The following POU4F2 variants were observed in gnomAD, a reference collection of about 807,000 sequenced individuals.
The protein encoded by POU4F2 is POU domain, class 4, transcription factor 2.
Under a neutral mutation model 21.5 loss-of-function variants are expected in POU4F2, and 10 were observed. That is an observed-to-expected ratio of 0.46 (90% CI 0.29 to 0.79). The LOEUF is 0.79. Among genes scored for constraint, POU4F2 ranks in the 30% least tolerant of loss-of-function variants. The pLI, the probability that POU4F2 is intolerant of heterozygous loss-of-function variation, is 0.10. For missense variants in POU4F2, 623 were observed against 603.3 expected, an observed-to-expected ratio of 1.03 and a Z score of -0.34; for synonymous variants, 324 against 271.1, an observed-to-expected ratio of 1.20 and a Z score of -1.92.
At position 146,639,971 on chromosome 4, in the gene POU4F2, C is replaced by T; in HGVS notation, c.393C>T (p.Pro131=). Reference sequence around the variant, plus strand: ...GCAAGAGCCACCACCACCATCCACCCCACCACAGCCCCTTCAAACCGGACG... The same window carrying T: ...GCAAGAGCCACCACCACCATCCACCTCACCACAGCCCCTTCAAACCGGACG... ...SQSKSHHHHP[P]HHSPFKPDAT... Residue 131 remains proline (P), a synonymous_variant, in exon 2 of 2, where the codon CCC becomes CCT. Transcript: ENST00000281321. 1 of 1,612,860 alleles carries T rather than the reference C, an allele frequency of 6.2e-7. No homozygotes were observed. Among genetic ancestry groups the T allele is most frequent in the Non-Finnish European group, 8.5e-7 (1 of 1,179,426 alleles).
At position 146,640,703 on chromosome 4, in the gene POU4F2, C is replaced by G. The variant is rs751581466; in HGVS notation, c.1125C>G (p.Ile375Met). 3 of 1,614,256 alleles carry G rather than the reference C, an allele frequency of 1.9e-6. No individual in the cohort carries two copies. The highest frequency in any genetic ancestry group is 1.7e-6 in the Non-Finnish European group (2 of 1,180,038). ...AGCCTCGGCCCTCCTCTGAAAAGAT[C>G]GCCGCCATCGCGGAGAAGCTGGACC... ...AIQPRPSSEK[I>M]AAIAEKLDLK... The change falls in exon 2 of 2, where the codon ATC becomes ATG. Residue 375 changes from isoleucine to methionine, a missense_variant. Ile to Met is a conservative substitution (Grantham distance 10). Around this residue, in one of 3 missense-constraint regions of POU4F2, gnomAD observed 523 missense variants for 504.1 expected, o/e 1.04. Coordinates refer to ENST00000281321, the MANE Select transcript of POU4F2 (RefSeq NM_004575.3). This position sits in a 1 kb window ranked among gnomAD's most constrained non-coding sequence, Gnocchi z 4.8.
rs575847464 is a variant in POU4F2 at position 146,640,975 on chromosome 4, G to A, written c.*167G>A. The A allele has an allele frequency of 1.2e-5, 8 of 645,884 alleles. No homozygotes were observed. Among genetic ancestry groups the A allele is most frequent in the East Asian group, 6.2e-5 (2 of 32,016 alleles). The allele number at this position is 645,884 out of a possible 1,614,324, so 40.0% of individuals were successfully genotyped here. On this transcript the variant is annotated 3_prime_UTR_variant, in exon 2 of 2. Transcript: ENST00000281321. This position sits in a 1 kb window ranked among gnomAD's most constrained non-coding sequence, Gnocchi z 4.8. ...ACGAGCGAACAACTGAGCCCAAGCC[G>A]GTGAGAATGTGAAACAGTTTCTCAA...
chr4:146,639,961 A>G lies in POU4F2; in HGVS notation c.383A>G (p.His128Arg). Residue 128 changes from histidine (H) to arginine (R), a missense_variant, in exon 2 of 2, where the codon CAC (histidine) becomes CGC (arginine). Around this residue, in one of 3 missense-constraint regions of POU4F2, gnomAD observed 523 missense variants for 504.1 expected, o/e 1.04. Coordinates refer to ENST00000281321, the MANE Select transcript of POU4F2 (RefSeq NM_004575.3). ...DIVSQSKSHH[H>R]HPPHHSPFKP... The stretch of plus-strand genomic sequence containing the variant: ...GTCTCCCAGAGCAAGAGCCACCACC[A>G]CCATCCACCCCACCACAGCCCCTTC... 6.2e-7 allele frequency: 1 copy of G among 1,611,068 alleles called. No individual in the cohort carries two copies. Among genetic ancestry groups the G allele is most frequent in the East Asian group, 2.2e-5 (1 of 44,828 alleles).
chr4:146,641,000 A>G lies in POU4F2; in HGVS notation c.*192A>G, dbSNP rs1740877350. The G allele has an allele frequency of 6.9e-6, 4 of 580,696 alleles. No homozygotes were observed. The highest frequency in any genetic ancestry group is 1.1e-5 in the Non-Finnish European group (4 of 356,230). 36.0% of individuals were successfully genotyped at this position (580,696 alleles called of 1,614,324 possible). A position where few individuals can be genotyped will look rare whatever the true frequency, so the allele number is the denominator to read the frequency against. On this transcript the variant is annotated 3_prime_UTR_variant, in exon 2 of 2. Transcript: ENST00000281321. The surrounding 1 kb of genome is among the most constrained non-coding windows in gnomAD (Gnocchi z 4.8). ...GGTGAGAATGTGAAACAGTTTCTCA[A>G]AGGAAAGAATAACAAAAGATGGTAT...
In POU4F2 at chr4:146,640,021, T is replaced by A; in HGVS notation, c.443T>A (p.Ile148Asn). ...PDATYHTMNTIPCTSAASSSS... is the reference protein window; with the variant it reads ...PDATYHTMNTNPCTSAASSSS... ...GCCACCTACCACACTATGAATACCA[T>A]CCCGTGCACGTCGGCCGCCTCTTCT... Residue 148 changes from isoleucine (I) to asparagine (N), a missense_variant, in exon 2 of 2, where the codon ATC becomes AAC. Coordinates refer to ENST00000281321, the MANE Select transcript of POU4F2 (RefSeq NM_004575.3). This position sits in a 1 kb window ranked among gnomAD's most constrained non-coding sequence, Gnocchi z 4.8. 1 of 1,611,266 alleles carries A rather than the reference T, an allele frequency of 6.2e-7. No individual in the cohort carries two copies. Among genetic ancestry groups the A allele is most frequent in the Admixed American group, 1.7e-5 (1 of 59,972 alleles).
In POU4F2 at chr4:146,639,928, T is replaced by C; in HGVS notation, c.350T>C (p.Val117Ala). The change falls in exon 2 of 2, where the codon GTG (valine) becomes GCG (alanine). Residue 117 changes from valine (V) to alanine (A), a missense_variant. Val to Ala is a moderately conservative substitution (Grantham distance 64, BLOSUM62 0). Transcript: ENST00000281321. ...GCCCGCGCCGAGGCTCTGGCAGCCGTGGACATCGTCTCCCAGAGCAAGAGC... is the reference window on the plus strand; with the variant it reads ...GCCCGCGCCGAGGCTCTGGCAGCCGCGGACATCGTCTCCCAGAGCAAGAGC... ...LLARAEALAA[V>A]DIVSQSKSHH... 6.3e-7 allele frequency: 1 copy of C among 1,595,554 alleles called. No homozygotes were observed. The highest frequency in any genetic ancestry group is 1.1e-5 in the South Asian group (1 of 87,296).
In POU4F2 at chr4:146,640,141, T is replaced by A. The variant is rs892063849; in HGVS notation, c.563T>A (p.Leu188Gln). 1 of 1,597,280 alleles carries A rather than the reference T, an allele frequency of 6.3e-7. No individual in the cohort carries two copies. Among genetic ancestry groups the A allele is most frequent in the Admixed American group, 1.7e-5 (1 of 59,396 alleles). Residue 188 changes from leucine (L) to glutamine (Q), a missense_variant, in exon 2 of 2, where the codon CTG becomes CAG. This residue lies in a region of POU4F2 where 523 missense variants were observed against 504.1 expected (regional missense o/e 1.04). Transcript: ENST00000281321. This position sits in a 1 kb window ranked among gnomAD's most constrained non-coding sequence, Gnocchi z 4.8. Reference sequence around the variant, plus strand: ...CACCACCACCAACCGCACCAGGCGCTGGAGGGCGAGCTGCTGGAGCACCTG... The same window carrying A: ...CACCACCACCAACCGCACCAGGCGCAGGAGGGCGAGCTGCTGGAGCACCTG... Reference protein sequence around the residue: ...HHHHHQPHQALEGELLEHLSP... With the variant: ...HHHHHQPHQAQEGELLEHLSP...
At chr4:146,639,550 C>T in intron 1 of POU4F2, 122 bp downstream of exon 1, 1 of 1,355,496 alleles carries the variant, frequency 7.4e-7, no homozygotes, top group Non-Finnish European at 9.7e-7. Context: ...TTTCCCCTCT[C>T]TCTCTCTTAA....
At position 146,639,438 on chromosome 4, in the gene POU4F2, T is replaced by A. The variant is rs113397613; in HGVS notation, c.288+10T>A. ...TCTTCCAACCCCACCGGTGCGTATT[T>A]CTGCATAATCACCGCTTAAAGGCAC... On this transcript the variant is annotated intron_variant, in intron 1 of 1. Coordinates refer to ENST00000281321, the MANE Select transcript of POU4F2 (RefSeq NM_004575.3). 6.9e-5 allele frequency: 100 copies of A among 1,456,890 alleles called. 1 individual carries two copies. The African/African-American group carries it at 1.1e-3, about 15-fold the overall frequency. The allele number at this position is 1,456,890 out of a possible 1,614,324, so 90.2% of individuals were successfully genotyped here. A position where few individuals can be genotyped will look rare whatever the true frequency, so the allele number is the denominator to read the frequency against.
At position 146,640,457 on chromosome 4, in the gene POU4F2, G is replaced by C. The variant is rs1438574064; in HGVS notation, c.879G>C (p.Ser293=). 1.2e-6 allele frequency: 2 copies of C among 1,613,674 alleles called. No homozygotes were observed. The highest frequency in any genetic ancestry group is 1.7e-5 in the Admixed American group (1 of 60,010). Residue 293 remains serine, a synonymous_variant, in exon 2 of 2, where the codon TCG becomes TCC. Transcript: ENST00000281321. This position sits in a 1 kb window ranked among gnomAD's most constrained non-coding sequence, Gnocchi z 4.8. The part of the protein sequence containing the change: ...LANLKIPGVG[S]LSQSTICRFE... ...ACCTCAAGATCCCCGGCGTGGGCTC[G>C]CTTAGCCAGAGCACCATCTGCAGGT... is the stretch of plus-strand genomic sequence containing the variant.
chr4:146,641,169 T>A lies in POU4F2; in HGVS notation c.*361T>A. On this transcript the variant is annotated 3_prime_UTR_variant, in exon 2 of 2. Transcript: ENST00000281321. Reference sequence around the variant, plus strand: ...ATCAAGTAAGATTTGTTTTTATTCTTACAGACATCACCCGTGTTCAAGTTT... The same window carrying A: ...ATCAAGTAAGATTTGTTTTTATTCTAACAGACATCACCCGTGTTCAAGTTT... The A allele has an allele frequency of 5.4e-6, 1 of 185,134 alleles. No individual in the cohort carries two copies. The highest frequency in any genetic ancestry group is 1.5e-4 in the East Asian group (1 of 6,806). 11.5% of individuals were successfully genotyped at this position (185,134 alleles called of 1,614,324 possible). A position where few individuals can be genotyped will look rare whatever the true frequency, so the allele number is the denominator to read the frequency against.
At chr4:146,639,785 C>T in intron 1 of POU4F2, 82 bp from the exon 2 acceptor site, 2 of 1,386,498 alleles carry the variant, frequency 1.4e-6, no homozygotes, top group East Asian at 2.5e-5. Flanking sequence ...GCGACGGTGT[C>T]GAGCCCTGGG....
chr4:146,639,388 G>A lies in POU4F2; in HGVS notation c.248G>A (p.Gly83Asp). 2 of 1,470,280 alleles carry A rather than the reference G, an allele frequency of 1.4e-6. No homozygotes were observed. The highest frequency in any genetic ancestry group is 2.8e-5 in the Admixed American group (1 of 35,600). The allele number at this position is 1,470,280 out of a possible 1,614,324, so 91.1% of individuals were successfully genotyped here. Reference sequence around the variant, plus strand: ...AGCAGTGGCAGCAGCGGCGGCGGGGGCTCGGAGGCTATGCGGAGAGCCTGT... The same window carrying A: ...AGCAGTGGCAGCAGCGGCGGCGGGGACTCGGAGGCTATGCGGAGAGCCTGT... The part of the protein sequence containing the change: ...SSSSGSSGGG[G>D]SEAMRRACLP... Residue 83 changes from glycine to aspartate, a missense_variant, in exon 1 of 2, where the codon GGC becomes GAC. This residue lies in a region of POU4F2 where 523 missense variants were observed against 504.1 expected (regional missense o/e 1.04). Transcript: ENST00000281321.
At chr4:146,639,523 C>T (rs914305683) in intron 1 of POU4F2, 95 bp downstream of exon 1, 84 of 1,423,172 alleles carry the variant, frequency 5.9e-5, no homozygotes, top group South Asian at 2.4e-4. Context: ...GCAAATCACC[C>T]CACACCTCCA....
Position 146,639,802 on chromosome 4 carries a change from C to T in POU4F2, c.289-65C>T. On this transcript the variant is annotated intron_variant, in intron 1 of 1. Coordinates refer to ENST00000281321, the MANE Select transcript of POU4F2 (RefSeq NM_004575.3). ...GACGGTGTCGAGCCCTGGGCCGGGG[C>T]TTCCGGAGAGAGGGCGTACAATTCC... is the stretch of plus-strand genomic sequence containing the variant. The T allele has an allele frequency of 2.7e-6, 4 of 1,470,228 alleles. No individual in the cohort carries two copies. In the South Asian group the frequency reaches 5.6e-5, roughly 21 times the overall value. The allele number at this position is 1,470,228 out of a possible 1,614,324, so 91.1% of individuals were successfully genotyped here. A position where few individuals can be genotyped will look rare whatever the true frequency, so the allele number is the denominator to read the frequency against.
chr4:146,639,474 C>T lies in POU4F2; in HGVS notation c.288+46C>T, dbSNP rs548447895. ...ACCGCTTAAAGGCACATTTTGACAG[C>T]CCCCTTTATCTGCTTGATGTTTTTT... is the stretch of plus-strand genomic sequence containing the variant. On this transcript the variant is annotated intron_variant, in intron 1 of 1. Transcript: ENST00000281321. 4 of 1,446,784 alleles carry T rather than the reference C, an allele frequency of 2.8e-6. No individual in the cohort carries two copies. The South Asian group carries it at 4.9e-5, about 18-fold the overall frequency. 89.6% of individuals were successfully genotyped at this position (1,446,784 alleles called of 1,614,324 possible). A position where few individuals can be genotyped will look rare whatever the true frequency, so the allele number is the denominator to read the frequency against.
Position 146,640,655 on chromosome 4 carries a change from G to C in POU4F2, c.1077G>C (p.Ser359=). Residue 359 remains serine (S), a synonymous_variant, in exon 2 of 2, where the codon TCG becomes TCC. Transcript: ENST00000281321. The surrounding 1 kb of genome is among the most constrained non-coding windows in gnomAD (Gnocchi z 4.8). ...CCATCGCTGCGCCAGAGAAGCGCTC[G>C]CTCGAAGCCTACTTTGCCATTCAGC... The part of the protein sequence containing the change: ...RTSIAAPEKR[S]LEAYFAIQPR... The C allele has an allele frequency of 6.2e-7, 1 of 1,614,244 alleles. No individual in the cohort carries two copies. The highest frequency in any genetic ancestry group is 1.3e-5 in the African/African-American group (1 of 75,076).
At position 146,640,201 on chromosome 4, in the gene POU4F2, C is replaced by G; in HGVS notation, c.623C>G (p.Pro208Arg). The G allele has an allele frequency of 6.4e-7, 1 of 1,568,908 alleles. No individual in the cohort carries two copies. The change falls in exon 2 of 2, where the codon CCC becomes CGC. Residue 208 changes from proline (P) to arginine (R), a missense_variant. Around this residue, in one of 3 missense-constraint regions of POU4F2, gnomAD observed 523 missense variants for 504.1 expected, o/e 1.04. Coordinates refer to ENST00000281321, the MANE Select transcript of POU4F2 (RefSeq NM_004575.3). This position sits in a 1 kb window ranked among gnomAD's most constrained non-coding sequence, Gnocchi z 4.8. ...PGLALGAMAG[P>R]DGAVVSTPAH... ...CTGGCCCTGGGCGCTATGGCGGGCC[C>G]CGACGGCGCTGTGGTGTCCACGCCG...
At position 146,639,861 on chromosome 4, in the gene POU4F2, T is replaced by C. The variant is rs1254786509; in HGVS notation, c.289-6T>C. 6.5e-7 allele frequency: 1 copy of C among 1,530,336 alleles called. No individual in the cohort carries two copies. The highest frequency in any genetic ancestry group is 8.8e-7 in the Non-Finnish European group (1 of 1,137,492). The allele number at this position is 1,530,336 out of a possible 1,614,324, so 94.8% of individuals were successfully genotyped here. A position where few individuals can be genotyped will look rare whatever the true frequency, so the allele number is the denominator to read the frequency against. On this transcript the variant is annotated splice_polypyrimidine_tract_variant and splice_region_variant and intron_variant, in intron 1 of 1. Transcript: ENST00000281321. ...CGTAATGTGTGCCTTCTACTTACAA[T>C]TGCAGAGCAATATATTCGGCGGGCT...
Sources: gnomAD v4.1 joint callset for allele counts on GRCh38, gnomAD v4.1.1 for gene constraint, gnomAD v4.1.1 regional missense constraint, Gnocchi (gnomAD v3.1) non-coding constraint, MANE v1.5 for transcripts, NCBI Gene and HGNC (gene_info 2026-07-23, HGNC 2026-07-21) for gene names.